Variants in NFASC observed in about 807,000 individuals in gnomAD.
NFASC encodes the protein neurofascin, also known as neurofascin homolog.
In NFASC, 43 loss-of-function variants were observed where a neutral mutation model predicts 147.5. That is an observed-to-expected ratio of 0.29 (90% CI 0.23 to 0.38). NFASC has a LOEUF of 0.38. Ranked by LOEUF, NFASC falls within the 10% of genes least tolerant of loss-of-function variation. The pLI is 1.00. For synonymous variants in NFASC, 622 were observed against 665.5 expected (o/e 0.93, Z 1.01); for missense variants, 1,320 against 1,689.0 (o/e 0.78, Z 3.83).
At chr1:204,950,685 C>A in intron 4 of NFASC, 111 bp downstream of exon 4, 1 of 945,748 alleles carries the variant, frequency 1.1e-6, no homozygotes. Context: ...GGGGCCTCTT[C>A]ATACCAGAGC....
At chr1:204,957,585 C>T (rs1041654341) in intron 7 of NFASC, 71 bp from the exon 8 acceptor site, 40 of 1,463,544 alleles carry the variant, frequency 2.7e-5, no homozygotes, top group African/African-American at 2.8e-5. Flanking sequence ...AGTGTTCTGT[C>T]GCCAGGACTG....
chr1:204,955,212 GA>G (rs1329974417), intron 7 of NFASC, among the ~76,000 whole-genome samples: 1 of 151,842 alleles, frequency 6.6e-6, no homozygotes, highest in Non-Finnish European at 1.5e-5. Context: ...TCCTCTTCTG[GA>G]AAAAAACAGA....
At chr1:204,899,256 C>T (rs991455019) in intron 1 of NFASC, among the ~76,000 whole-genome samples, 2 of 152,236 alleles carry the variant, frequency 1.3e-5, no homozygotes, top group African/African-American at 4.8e-5. Context: ...CTGCAAAAGC[C>T]GTAAGTGCTC....
At chr1:204,854,934 G>A (rs937637254) in intron 1 of NFASC, among the ~76,000 whole-genome samples, 7 of 152,352 alleles carry the variant, frequency 4.6e-5, no homozygotes, top group African/African-American at 1.4e-4. Context: ...AGCTCATCAC[G>A]CAGTGATTGA....
At chr1:204,989,059 A>G (rs2095668431) in intron 23 of NFASC, 2 of 546,424 alleles carry the variant, frequency 3.7e-6, no homozygotes, top group Non-Finnish European at 6.5e-6. Flanking sequence ...CAGTCACTTG[A>G]CATCTATCAT....
rs72753443 is a variant in NFASC, at chr1:204,990,941, T to G, written c.2768-351T>G. 5.5e-3 allele frequency among the ~76,000 whole-genome samples: 837 copies of G among 152,350 alleles called. 11 individuals carry two copies. Among genetic ancestry groups the G allele is most frequent in the South Asian group, 0.011 (54 of 4,834 alleles). Reference sequence around the variant, plus strand: ...ACCTAGCCAGAGCAGGACATGCTGTTGAGGACAGAGCTGGGAACATAATGC... The same window carrying G: ...ACCTAGCCAGAGCAGGACATGCTGTGGAGGACAGAGCTGGGAACATAATGC... On this transcript the variant is annotated intron_variant, in intron 23 of 29. Coordinates refer to ENST00000339876, the MANE Select transcript of NFASC (RefSeq NM_001005388.3).
At chr1:204,848,313 C>G (rs2075359931) in intron 1 of NFASC, among the ~76,000 whole-genome samples, 1 of 152,210 alleles carries the variant, frequency 6.6e-6, no homozygotes, top group Admixed American at 6.5e-5. Context: ...TCACTGAGGC[C>G]TCAACTTCCC....
intron 1 of NFASC, among the ~76,000 whole-genome samples, chr1:204,831,539 C>T (rs1355945756): frequency 6.6e-6 from 1 of 151,940 alleles, no homozygotes; most frequent in East Asian, 1.9e-4. Context: ...CCTCTGGCTC[C>T]ACTCTTCTCC....
At chr1:204,938,787 A>C (rs1488514667) in intron 2 of NFASC, among the ~76,000 whole-genome samples, 1 of 152,198 alleles carries the variant, frequency 6.6e-6, no homozygotes, top group African/African-American at 2.4e-5. Flanking sequence ...GTGAGATAAC[A>C]GGTTCTAAGA....
At chr1:204,845,040 A>G (rs1481560057) in intron 1 of NFASC, among the ~76,000 whole-genome samples, 2 of 152,136 alleles carry the variant, frequency 1.3e-5, no homozygotes, top group Non-Finnish European at 2.9e-5. Flanking sequence ...ATGAGGGTGA[A>G]GTTTGGTAGT....
In NFASC at chr1:204,944,386, C is replaced by T. The variant is rs781293532; in HGVS notation, c.71C>T (p.Ala24Val). Reference protein sequence around the residue: ...FLLCLLSLGGAIEIPMDPSIQ... With the variant: ...FLLCLLSLGGVIEIPMDPSIQ... ...CTCTGCCTCCTCAGTCTTGGCGGAG[C>T]CATCGAAATTCCTATGGATCGTGAG... is the stretch of plus-strand genomic sequence containing the variant. Residue 24 changes from alanine to valine, a missense_variant, in exon 3 of 30, where the codon GCC becomes GTC. By Grantham distance (64) the Ala-to-Val change is moderately conservative. Transcript: ENST00000339876. 1 of 1,601,954 alleles carries T rather than the reference C, an allele frequency of 6.2e-7. No homozygotes were observed. Among genetic ancestry groups the T allele is most frequent in the South Asian group, 1.1e-5 (1 of 90,578 alleles).
chr1:204,885,391 G>T (rs538713328), intron 1 of NFASC, among the ~76,000 whole-genome samples: 7 of 120,724 alleles, frequency 5.8e-5, no homozygotes, highest in Admixed American at 1.2e-4. Flanking sequence ...TTGCCCTGTG[G>T]GGGGGGAAGC....
At chr1:205,006,688 G>A (rs2096119198) in intron 27 of NFASC, among the ~76,000 whole-genome samples, 1 of 152,216 alleles carries the variant, frequency 6.6e-6, no homozygotes, top group Admixed American at 6.5e-5. Flanking sequence ...GCACAGGTGA[G>A]GGGACCCCTG....
Position 204,997,250 on chromosome 1 carries a change from A to G in NFASC, c.2863A>G (p.Thr955Ala), listed in dbSNP as rs1342127606. 6.2e-7 allele frequency: 1 copy of G among 1,612,976 alleles called. No homozygotes were observed. The highest frequency in any genetic ancestry group is 1.1e-5 in the South Asian group (1 of 91,044). The change falls in exon 25 of 30, where the codon ACC (threonine) becomes GCC (alanine). Residue 955 changes from threonine (T) to alanine (A), a missense_variant. Thr to Ala is a moderately conservative substitution (Grantham distance 58, BLOSUM62 0). This residue lies in a region of NFASC where 172 missense variants were observed against 165.8 expected (regional missense o/e 1.04). Transcript: ENST00000339876. ...STDATAIAATTEATTVPIIPT... is the reference protein window; with the variant it reads ...STDATAIAATAEATTVPIIPT... The stretch of plus-strand genomic sequence containing the variant: ...CGATGCTACTGCCATTGCTGCCACC[A>G]CCGAAGCCACAACAGTCCCCATCAT...
intron 1 of NFASC, among the ~76,000 whole-genome samples, chr1:204,843,947 G>A (rs1360433854): frequency 6.6e-6 from 1 of 151,972 alleles, no homozygotes; most frequent in Non-Finnish European, 1.5e-5. Flanking sequence ...CACGTTGGTC[G>A]GGCTGGTCTT....
intron 1 of NFASC, among the ~76,000 whole-genome samples, chr1:204,848,094 G>A (rs1039645144): frequency 1.3e-5 from 2 of 152,144 alleles, no homozygotes; most frequent in African/African-American, 4.8e-5. Context: ...ACTTAGAAGG[G>A]CCCCAGGAGG....
intron 1 of NFASC, among the ~76,000 whole-genome samples, chr1:204,833,667 T>C (rs1477254157): frequency 1.3e-5 from 2 of 152,132 alleles, no homozygotes; most frequent in Non-Finnish European, 2.9e-5. Flanking sequence ...AACAAGACAA[T>C]ACAGGGTCTA....
At chr1:204,946,664 G>A (rs751489786) in intron 3 of NFASC, 9 of 514,802 alleles carry the variant, frequency 1.7e-5, no homozygotes, top group African/African-American at 1.5e-4. Context: ...CTGCTGGGCT[G>A]GAAGGTGGTG....
At chr1:204,846,819 T>C (rs1047621239) in intron 1 of NFASC, among the ~76,000 whole-genome samples, 2 of 152,124 alleles carry the variant, frequency 1.3e-5, no homozygotes, top group Non-Finnish European at 2.9e-5. Context: ...TGTTCATTAT[T>C]TGTTTTGTGG....
Sources: gnomAD v4.1 joint callset for allele counts (sites outside exome capture counted in the v4.1 genomes callset) on GRCh38, gnomAD v4.1.1 for gene constraint, gnomAD v4.1.1 regional missense constraint, MANE v1.5 for transcripts, NCBI Gene and HGNC (gene_info 2026-07-23, HGNC 2026-07-21) for gene names.